ZHX3: variants seen among roughly 807,000 people sequenced by gnomAD.
ZHX3 encodes zinc fingers and homeoboxes protein 3.
In ZHX3, 20 loss-of-function variants were observed where a neutral mutation model predicts 64.5. The observed-to-expected ratio is 0.31, with a 90% confidence interval of 0.22 to 0.45. The LOEUF (loss-of-function observed/expected upper bound fraction) is 0.45. Among genes scored for constraint, ZHX3 ranks in the 20% least tolerant of loss-of-function variants. ZHX3 has a pLI of 1.00. For synonymous variants in ZHX3, 423 were observed against 461.6 expected (o/e 0.92, Z 1.07); for missense variants, 1,041 against 1,195.8 (o/e 0.87, Z 1.91).
intron 2 of ZHX3, among the ~76,000 whole-genome samples, chr20:41,245,635 G>C (rs2041645585): frequency 1.3e-5 from 2 of 152,202 alleles, no homozygotes; most frequent in South Asian, 2.1e-4. Context: ...GCAGCCACTA[G>C]AGGAAAGCAG....
intron 1 of ZHX3, among the ~76,000 whole-genome samples, chr20:41,290,947 A>G (rs1201989217): frequency 6.6e-6 from 1 of 152,164 alleles, no homozygotes; most frequent in Non-Finnish European, 1.5e-5. Flanking sequence ...ATAAACAGTG[A>G]CCCAATAATT....
At chr20:41,302,345 C>T (rs1174044625) in intron 1 of ZHX3, among the ~76,000 whole-genome samples, 2 of 152,204 alleles carry the variant, frequency 1.3e-5, no homozygotes, top group Non-Finnish European at 2.9e-5. Flanking sequence ...AAGAAGCTCA[C>T]CACAAAGGTG....
intron 2 of ZHX3, among the ~76,000 whole-genome samples, chr20:41,236,919 A>G (rs938997600): frequency 1.3e-5 from 2 of 152,232 alleles, no homozygotes; most frequent in African/African-American, 4.8e-5. Context: ...CAAATTTACA[A>G]GAAAAAAACA....
rs1159439826 is a variant in ZHX3 at position 41,228,910 on chromosome 20, A to G, written c.-150-23844T>C. On this transcript the variant is annotated intron_variant, in intron 2 of 3. Transcript: ENST00000683867. This position sits in a 1 kb window ranked among gnomAD's most constrained non-coding sequence, Gnocchi z 4.6. ...TTTTAGAAATTGTGGTAAAATACAC[A>G]TAACATAAAATTTACCATCTTAATC... is the stretch of plus-strand genomic sequence containing the variant. Among the ~76,000 whole-genome samples, 7 of 152,226 alleles carry G rather than the reference A, an allele frequency of 4.6e-5. No homozygotes were observed. The highest frequency in any genetic ancestry group is 1.3e-4 in the Admixed American group (2 of 15,278).
chr20:41,229,108 GCTTT>G (rs2146372648), intron 2 of ZHX3, among the ~76,000 whole-genome samples: 1 of 152,160 alleles, frequency 6.6e-6, no homozygotes, highest in East Asian at 1.9e-4. Flanking sequence ...CTACCATTCT[GCTTT>G]CTGTCTCTGT....
intron 1 of ZHX3, among the ~76,000 whole-genome samples, chr20:41,302,580 C>T (rs573716438): frequency 2.6e-5 from 4 of 152,376 alleles, no homozygotes; most frequent in Admixed American, 2.0e-4. Context: ...TAAACACCCA[C>T]ACACACCCAA....
In ZHX3 at chr20:41,263,701, G is replaced by C. The variant is rs145143230; in HGVS notation, c.-151+5289C>G. Among the ~76,000 whole-genome samples, 195 of 151,964 alleles carry C rather than the reference G, an allele frequency of 1.3e-3. 1 individual carries two copies. The East Asian group carries it at 0.032, about 25-fold the overall frequency. ...GGCATGAGCCACCACTCCCGGCTGA[G>C]GATTTTTTTTTAAAAAAGAAATAAA... On this transcript the variant is annotated intron_variant, in intron 2 of 3. Transcript: ENST00000683867.
Position 41,185,169 on chromosome 20 carries a change from C to A in ZHX3, c.*22G>T. ...AGGCGGTTTCCCAGACTGGCCAGTC[C>A]TTCACATTAATCAGATCAAATTCAG... On this transcript the variant is annotated 3_prime_UTR_variant, in exon 4 of 4. Coordinates refer to ENST00000683867, the MANE Select transcript of ZHX3 (RefSeq NM_001384317.1). This position sits in a 1 kb window ranked among gnomAD's most constrained non-coding sequence, Gnocchi z 5.0. 6.2e-7 allele frequency: 1 copy of A among 1,608,262 alleles called. No individual in the cohort carries two copies. The highest frequency in any genetic ancestry group is 8.5e-7 in the Non-Finnish European group (1 of 1,177,114).
rs963157081 is a variant in ZHX3, at chr20:41,201,789, G to C, written c.2860+268C>G. 6.6e-6 allele frequency among the ~76,000 whole-genome samples: 1 copy of C among 152,192 alleles called. No homozygotes were observed. Among genetic ancestry groups the C allele is most frequent in the African/African-American group, 2.4e-5 (1 of 41,446 alleles). ...CTATTGCTAAGAAATGGCTAGAAAA[G>C]CTTGGACCCCTTTAGGGTCACCATG... On this transcript the variant is annotated intron_variant, in intron 3 of 3. Coordinates refer to ENST00000683867, the MANE Select transcript of ZHX3 (RefSeq NM_001384317.1). The surrounding 1 kb of genome is among the most constrained non-coding windows in gnomAD (Gnocchi z 5.0).
In ZHX3 at chr20:41,185,730, A is replaced by C. The variant is rs1411710558; in HGVS notation, c.2861-529T>G. 1.9e-5 allele frequency: 3 copies of C among 156,192 alleles called. No individual in the cohort carries two copies. Among genetic ancestry groups the C allele is most frequent in the Non-Finnish European group, 4.2e-5 (3 of 70,916 alleles). The allele number at this position is 156,192 out of a possible 1,614,324, so 9.7% of individuals were successfully genotyped here. A position where few individuals can be genotyped will look rare whatever the true frequency, so the allele number is the denominator to read the frequency against. ...GGTTCATCATCTGTGATTCATAAAG[A>C]AATGGTCCTTAATTGCAGCTGGCTG... is the stretch of plus-strand genomic sequence containing the variant. On this transcript the variant is annotated intron_variant, in intron 3 of 3. Transcript: ENST00000683867. The surrounding 1 kb of genome is among the most constrained non-coding windows in gnomAD (Gnocchi z 5.0).
intron 2 of ZHX3, among the ~76,000 whole-genome samples, chr20:41,233,062 C>T (rs1308213120): frequency 6.6e-6 from 1 of 152,228 alleles, no homozygotes. Flanking sequence ...GCCTGTTACA[C>T]AAGCAACCTC....
rs564801914 is a variant in ZHX3 at position 41,247,820 on chromosome 20, C to G, written c.-151+21170G>C. 4.6e-5 allele frequency among the ~76,000 whole-genome samples: 7 copies of G among 152,314 alleles called. No homozygotes were observed. In the South Asian group the frequency reaches 1.5e-3, roughly 32 times the overall value. ...GTGATTCCCTGCAGGACAAAGTCTG[C>G]CCACTTCAGCCTGGTATCATGATCC... On this transcript the variant is annotated intron_variant, in intron 2 of 3. Transcript: ENST00000683867.
At chr20:41,284,059 C>CA (rs1306793118) in intron 1 of ZHX3, among the ~76,000 whole-genome samples, 1 of 152,070 alleles carries the variant, frequency 6.6e-6, no homozygotes, top group African/African-American at 2.4e-5. Flanking sequence ...GTCTTTTTCT[C>CA]AAACCTTTGT....
At chr20:41,248,902 A>C (rs2146495495) in intron 2 of ZHX3, among the ~76,000 whole-genome samples, 1 of 152,344 alleles carries the variant, frequency 6.6e-6, no homozygotes, top group South Asian at 2.1e-4. Context: ...AAGTCAATTT[A>C]TAGCCAAGTA....
chr20:41,185,277 T>C lies in ZHX3; in HGVS notation c.2861-76A>G. ...CCCCCAGGCAGCCTGGTCCTTGCTA[T>C]ACCAGGGTGGCATCACTGGCTTTGA... On this transcript the variant is annotated intron_variant, in intron 3 of 3. Coordinates refer to ENST00000683867, the MANE Select transcript of ZHX3 (RefSeq NM_001384317.1). This position sits in a 1 kb window ranked among gnomAD's most constrained non-coding sequence, Gnocchi z 5.0. The C allele has an allele frequency of 5.3e-6, 8 of 1,496,024 alleles. No individual in the cohort carries two copies. Among genetic ancestry groups the C allele is most frequent in the Non-Finnish European group, 7.2e-6 (8 of 1,111,152 alleles). The allele number at this position is 1,496,024 out of a possible 1,614,324, so 92.7% of individuals were successfully genotyped here.
intron 2 of ZHX3, among the ~76,000 whole-genome samples, chr20:41,236,963 G>A (rs1404187545): frequency 6.6e-6 from 1 of 152,144 alleles, no homozygotes; most frequent in Non-Finnish European, 1.5e-5. Context: ...GATATGAACA[G>A]ACACTTCTCA....
intron 1 of ZHX3, among the ~76,000 whole-genome samples, chr20:41,301,079 G>A (rs1407541855): frequency 6.6e-6 from 1 of 152,208 alleles, no homozygotes; most frequent in Non-Finnish European, 1.5e-5. Flanking sequence ...ATTGCAGGAG[G>A]TGAGGAAGTA....
Position 41,204,551 on chromosome 20 carries a change from C to G in ZHX3, c.366G>C (p.Glu122Asp). 1 of 1,614,224 alleles carries G rather than the reference C, an allele frequency of 6.2e-7. No homozygotes were observed. The highest frequency in any genetic ancestry group is 8.5e-7 in the Non-Finnish European group (1 of 1,180,042). ...SGCSFLAKTP[E>D]GLSLHNATCH... ...ATGTGGCATTGTGCAAGGAAAGCCCCTCAGGGGTTTTTGCCAGAAAACTGC... is the reference window on the plus strand; with the variant it reads ...ATGTGGCATTGTGCAAGGAAAGCCCGTCAGGGGTTTTTGCCAGAAAACTGC... Residue 122 changes from glutamate to aspartate, a missense_variant, in exon 3 of 4, where the codon GAG becomes GAC. Transcript: ENST00000683867. The surrounding 1 kb of genome is among the most constrained non-coding windows in gnomAD (Gnocchi z 6.6).
At chr20:41,266,634 C>T (rs1317245441) in intron 2 of ZHX3, among the ~76,000 whole-genome samples, 1 of 151,770 alleles carries the variant, frequency 6.6e-6, no homozygotes, top group African/African-American at 2.4e-5. Flanking sequence ...CAAGCTCCGC[C>T]CCCCAGGTTC....
Sources: gnomAD v4.1 joint callset for allele counts (sites outside exome capture counted in the v4.1 genomes callset) on GRCh38, gnomAD v4.1.1 for gene constraint, Gnocchi (gnomAD v3.1) non-coding constraint, MANE v1.5 for transcripts, NCBI Gene and HGNC (gene_info 2026-07-23, HGNC 2026-07-21) for gene names.